The following PHKB variants were observed in gnomAD, a reference collection of about 807,000 sequenced individuals.
PHKB encodes phosphorylase kinase regulatory subunit beta.
A neutral mutation model predicts 152.1 loss-of-function variants in PHKB; 122 were observed. That is an observed-to-expected ratio of 0.80 (90% CI 0.69 to 0.93). The LOEUF (loss-of-function observed/expected upper bound fraction) is 0.93, where lower values mean the gene tolerates loss of function less well. PHKB is among the 40% of genes least tolerant of loss of function. The probability of loss-of-function intolerance (pLI) is 0.00; values close to 1 mark genes in which losing one functional copy is unlikely to be tolerated. For synonymous variants in PHKB, 436 were observed against 464.9 expected (o/e 0.94, Z 0.80); for missense variants, 1,304 against 1,328.4 (o/e 0.98, Z 0.29).
intron 9 of PHKB, 103 bp downstream of exon 9, chr16:47,587,866 G>A (rs141961735): frequency 1.2e-5 from 11 of 891,234 alleles, no homozygotes; most frequent in East Asian, 5.3e-5. Context: ...GTTAGTGATC[G>A]TCCAGAAGGG....
chr16:47,590,242 T>C (rs1481826561), intron 10 of PHKB: 2 of 152,110 alleles, frequency 1.3e-5, no homozygotes, highest in Non-Finnish European at 2.9e-5. Flanking sequence ...ACATACACTT[T>C]TGCAGAAAAA....
At chr16:47,683,137 A>G (rs921351892) in intron 26 of PHKB, among the ~76,000 whole-genome samples, 18 of 152,142 alleles carry the variant, frequency 1.2e-4, no homozygotes, top group Non-Finnish European at 2.2e-4. Flanking sequence ...TTTGTCTCAG[A>G]GGAGTACCCG....
At chr16:47,510,529 C>T (rs1970492711) in intron 4 of PHKB, among the ~76,000 whole-genome samples, 2 of 152,054 alleles carry the variant, frequency 1.3e-5, no homozygotes, top group Non-Finnish European at 2.9e-5. Flanking sequence ...GAGCCGTGTG[C>T]CCAGAACTAG....
chr16:47,648,622 C>CA lies in PHKB; in HGVS notation c.1692+7dup. 6.3e-7 allele frequency: 1 copy of CA among 1,596,206 alleles called. No homozygotes were observed. Among genetic ancestry groups the CA allele is most frequent in the Admixed American group, 1.7e-5 (1 of 59,970 alleles). The stretch of plus-strand genomic sequence containing the variant: ...GCTGCCTCGGGACATCAAAGGTACT[C>CA]ATGAAATGTCCTCAAAAAGTAGTTT... On this transcript the variant is annotated splice_region_variant and intron_variant, in intron 17 of 30. Transcript: ENST00000323584.
intron 16 of PHKB, among the ~76,000 whole-genome samples, chr16:47,646,542 A>C (rs1973128056): frequency 6.7e-6 from 1 of 148,216 alleles, no homozygotes; most frequent in Non-Finnish European, 1.5e-5. Flanking sequence ...AAAAAAAAAA[A>C]AACATTAAAA....
chr16:47,479,041 G>A (rs775744826), intron 1 of PHKB, among the ~76,000 whole-genome samples: 1 of 152,148 alleles, frequency 6.6e-6, no homozygotes. Flanking sequence ...TTCCTTCCAC[G>A]AAATAAGGGA....
intron 6 of PHKB, among the ~76,000 whole-genome samples, chr16:47,525,359 A>G (rs570819297): frequency 6.6e-6 from 1 of 152,338 alleles, no homozygotes; most frequent in East Asian, 1.9e-4. Flanking sequence ...CATTAAAAAG[A>G]TAACTACTTT....
intron 14 of PHKB, among the ~76,000 whole-genome samples, chr16:47,621,526 G>A (rs1597130191): frequency 2.0e-5 from 3 of 152,152 alleles, no homozygotes; most frequent in African/African-American, 4.8e-5. Context: ...ATCTGGCTCA[G>A]TGTGTTCTAA....
intron 1 of PHKB, among the ~76,000 whole-genome samples, chr16:47,489,940 T>G (rs1423479958): frequency 6.6e-6 from 1 of 152,142 alleles, no homozygotes; most frequent in African/African-American, 2.4e-5. Context: ...TCATGAGGAA[T>G]CAGGCAGAGA....
At chr16:47,619,994 C>T (rs575997336) in intron 14 of PHKB, among the ~76,000 whole-genome samples, 14 of 152,196 alleles carry the variant, frequency 9.2e-5, no homozygotes, top group Middle Eastern at 6.8e-3. Context: ...ACAGAAGATT[C>T]CTGGTTAAAT....
At chr16:47,588,549 C>T (rs1971973299) in intron 9 of PHKB, among the ~76,000 whole-genome samples, 1 of 152,064 alleles carries the variant, frequency 6.6e-6, no homozygotes, top group South Asian at 2.1e-4. Context: ...TTAATAGTTG[C>T]TAATTTACTC....
chr16:47,669,617 T>G (rs530240685), intron 26 of PHKB, among the ~76,000 whole-genome samples, 200 bp downstream of exon 26: 2 of 152,312 alleles, frequency 1.3e-5, no homozygotes, highest in East Asian at 1.9e-4. Context: ...AACGTTTATT[T>G]CACACCCGAG....
intron 14 of PHKB, among the ~76,000 whole-genome samples, chr16:47,633,965 G>A (rs1001872995): frequency 2.8e-4 from 42 of 152,172 alleles, no homozygotes; most frequent in African/African-American, 9.9e-4. Flanking sequence ...ACCATAAATC[G>A]CAGACAATGG....
chr16:47,471,244 G>A (rs549270725), intron 1 of PHKB, among the ~76,000 whole-genome samples: 1 of 152,298 alleles, frequency 6.6e-6, no homozygotes, highest in South Asian at 2.1e-4. Context: ...GGTATTTAAA[G>A]CGTACTGAAA....
chr16:47,533,800 C>T (rs1376364319), intron 6 of PHKB, among the ~76,000 whole-genome samples: 1 of 152,096 alleles, frequency 6.6e-6, no homozygotes, highest in Non-Finnish European at 1.5e-5. Context: ...ACAGCTGTGC[C>T]AGAGGTTCAG....
chr16:47,535,066 A>T (rs1335274507), intron 6 of PHKB, among the ~76,000 whole-genome samples: 1 of 152,230 alleles, frequency 6.6e-6, no homozygotes, highest in Non-Finnish European at 1.5e-5. Context: ...GTTCCTGAGC[A>T]GTTACTCACT....
intron 1 of PHKB, among the ~76,000 whole-genome samples, chr16:47,493,740 A>C (rs1164138258): frequency 6.6e-6 from 1 of 152,240 alleles, no homozygotes; most frequent in Non-Finnish European, 1.5e-5. Context: ...TTATCAATTG[A>C]ACCAAGCTTC....
intron 14 of PHKB, among the ~76,000 whole-genome samples, chr16:47,622,102 A>C (rs1458369924): frequency 1.3e-5 from 2 of 152,142 alleles, no homozygotes; most frequent in African/African-American, 4.8e-5. Context: ...TAAGAAAGCA[A>C]GATTTATGGT....
At chr16:47,515,370 T>G in intron 5 of PHKB, 151 bp from the exon 6 acceptor site, 1 of 628,640 alleles carries the variant, frequency 1.6e-6, no homozygotes, top group Non-Finnish European at 2.8e-6. Flanking sequence ...TATTATGAAC[T>G]AAATTCACAA....
Sources: gnomAD v4.1 joint callset for allele counts (sites outside exome capture counted in the v4.1 genomes callset) on GRCh38, gnomAD v4.1.1 for gene constraint, MANE v1.5 for transcripts, NCBI Gene and HGNC (gene_info 2026-07-23, HGNC 2026-07-21) for gene names.